AGAP1: variants seen among roughly 807,000 people sequenced by gnomAD.
AGAP1 encodes ArfGAP with GTPase domain, ankyrin repeat and PH domain 1.
A neutral mutation model predicts 105.3 loss-of-function variants in AGAP1; 29 were observed. The observed-to-expected ratio is 0.28, with a 90% CI of 0.21 to 0.38. The LOEUF (loss-of-function observed/expected upper bound fraction) is 0.38. Ranked by LOEUF, AGAP1 falls within the 10% of genes least tolerant of loss-of-function variation. The pLI, the probability that AGAP1 is intolerant of heterozygous loss-of-function variation, is 1.00. For synonymous variants in AGAP1, 509 were observed against 485.9 expected (o/e 1.05, Z -0.63); for missense variants, 998 against 1,165.1 (o/e 0.86, Z 2.09).
chr2:236,041,535 G>A (rs1158679889), intron 15 of AGAP1, among the ~76,000 whole-genome samples: 1 of 152,092 alleles, frequency 6.6e-6, no homozygotes, highest in Non-Finnish European at 1.5e-5. Flanking sequence ...CTTTGAAAAA[G>A]TCATTTTGTT....
At position 235,961,482 on chromosome 2, in the gene AGAP1, A is replaced by C. The variant is rs2054184172; in HGVS notation, c.1484-6980A>C. Among the ~76,000 whole-genome samples the C allele has an allele frequency of 1.3e-5, 2 of 152,258 alleles. No homozygotes were observed. Among genetic ancestry groups the C allele is most frequent in the Non-Finnish European group, 2.9e-5 (2 of 68,024 alleles). On this transcript the variant is annotated intron_variant, in intron 12 of 17. Coordinates refer to ENST00000304032, the MANE Select transcript of AGAP1 (RefSeq NM_001037131.3). This position sits in a 1 kb window ranked among gnomAD's most constrained non-coding sequence, Gnocchi z 5.9. ...ACACACCAGTGGTTGGTGGGATGTG[A>C]GCGGGACTGGAGTGAGGCCAGCCGT...
At chr2:235,803,831 C>T (rs1471603757) in intron 8 of AGAP1, among the ~76,000 whole-genome samples, 1 of 152,072 alleles carries the variant, frequency 6.6e-6, no homozygotes, top group Non-Finnish European at 1.5e-5. Flanking sequence ...CTTTACTAAT[C>T]AAACACTGAG....
intron 1 of AGAP1, among the ~76,000 whole-genome samples, chr2:235,592,574 C>G (rs1486834828): frequency 6.6e-6 from 1 of 152,112 alleles, no homozygotes; most frequent in East Asian, 1.9e-4. Flanking sequence ...CCAATCAGGC[C>G]TTCCTTTCTT....
intron 1 of AGAP1, among the ~76,000 whole-genome samples, chr2:235,616,940 C>A (rs537426170): frequency 1.3e-5 from 2 of 151,134 alleles, no homozygotes; most frequent in African/African-American, 4.9e-5. Context: ...AATGAACAAA[C>A]GTGCATCTTT....
At chr2:235,713,492 C>T (rs1031156506) in intron 2 of AGAP1, among the ~76,000 whole-genome samples, 10 of 152,202 alleles carry the variant, frequency 6.6e-5, no homozygotes, top group Admixed American at 5.2e-4. Flanking sequence ...TGCTCTTGAG[C>T]GTCTGCCTTG....
rs1479197940 is a variant in AGAP1 at position 235,577,574 on chromosome 2, C to G, written c.163+82725C>G. ...TGGAGTCGGTGGGAGCTGAGAGTCC[C>G]TTGCTGCCCGGAGCATGGCTGTGTG... On this transcript the variant is annotated intron_variant, in intron 1 of 17. Transcript: ENST00000304032. The surrounding 1 kb of genome is among the most constrained non-coding windows in gnomAD (Gnocchi z 4.5). Among the ~76,000 whole-genome samples, 2 of 152,046 alleles carry G rather than the reference C, an allele frequency of 1.3e-5. No homozygotes were observed. The highest frequency in any genetic ancestry group is 2.9e-5 in the Non-Finnish European group (2 of 68,020).
chr2:235,734,177 T>G lies in AGAP1; in HGVS notation c.311-6786T>G, dbSNP rs992021347. Among the ~76,000 whole-genome samples the G allele has an allele frequency of 6.6e-6, 1 of 152,256 alleles. No individual in the cohort carries two copies. Among genetic ancestry groups the G allele is most frequent in the Non-Finnish European group, 1.5e-5 (1 of 68,048 alleles). Reference sequence around the variant, plus strand: ...AAAATAATTAGGGAATAATACAGTTTGCAGATTTTCTCCCGATGTCATCAT... The same window carrying G: ...AAAATAATTAGGGAATAATACAGTTGGCAGATTTTCTCCCGATGTCATCAT... On this transcript the variant is annotated intron_variant, in intron 3 of 17. Transcript: ENST00000304032. This position sits in a 1 kb window ranked among gnomAD's most constrained non-coding sequence, Gnocchi z 5.3.
intron 1 of AGAP1, among the ~76,000 whole-genome samples, chr2:235,682,419 T>C (rs1273982996): frequency 6.6e-6 from 1 of 152,064 alleles, no homozygotes; most frequent in Non-Finnish European, 1.5e-5. Flanking sequence ...CTCGGCTCAC[T>C]GCAGCCTCTG....
rs564440080 is a variant in AGAP1, at chr2:235,689,387, C to T, written c.164-19792C>T. Among the ~76,000 whole-genome samples, 1 of 152,336 alleles carries T rather than the reference C, an allele frequency of 6.6e-6. No homozygotes were observed. Among genetic ancestry groups the T allele is most frequent in the East Asian group, 1.9e-4 (1 of 5,178 alleles). Reference sequence around the variant, plus strand: ...GCCCGTAGGGTCTCCAGCACAATACCGGGTTAGTGAGCAGAAAGTAGTGCA... The same window carrying T: ...GCCCGTAGGGTCTCCAGCACAATACTGGGTTAGTGAGCAGAAAGTAGTGCA... On this transcript the variant is annotated intron_variant, in intron 1 of 17. Coordinates refer to ENST00000304032, the MANE Select transcript of AGAP1 (RefSeq NM_001037131.3). The surrounding 1 kb of genome is among the most constrained non-coding windows in gnomAD (Gnocchi z 4.2).
At position 236,027,871 on chromosome 2, in the gene AGAP1, A is replaced by G. The variant is rs527478405; in HGVS notation, c.1646-8690A>G. 1.9e-4 allele frequency among the ~76,000 whole-genome samples: 29 copies of G among 152,302 alleles called. No individual in the cohort carries two copies. Among genetic ancestry groups the G allele is most frequent in the African/African-American group, 6.0e-4 (25 of 41,562 alleles). On this transcript the variant is annotated intron_variant, in intron 13 of 17. Transcript: ENST00000304032. The surrounding 1 kb of genome is among the most constrained non-coding windows in gnomAD (Gnocchi z 4.4). ...CCTTTGTGCATGCTACATACACGTCAGAGACAGACCATACCCAAGGATCAC... is the reference window on the plus strand; with the variant it reads ...CCTTTGTGCATGCTACATACACGTCGGAGACAGACCATACCCAAGGATCAC...
chr2:235,870,389 G>T (rs1000887441), intron 9 of AGAP1, among the ~76,000 whole-genome samples: 2 of 152,228 alleles, frequency 1.3e-5, no homozygotes, highest in South Asian at 4.1e-4. Context: ...CACTTTGGGA[G>T]GCTGAGGCAG....
intron 16 of AGAP1, among the ~76,000 whole-genome samples, chr2:236,070,308 A>G (rs2058464005): frequency 6.6e-6 from 1 of 152,206 alleles, no homozygotes; most frequent in African/African-American, 2.4e-5. Flanking sequence ...ATGAATGAGA[A>G]AGAGCAGCAT....
chr2:235,859,540 A>ATTT (rs2048837451), intron 9 of AGAP1, among the ~76,000 whole-genome samples: 1 of 59,958 alleles, frequency 1.7e-5, no homozygotes, highest in African/African-American at 6.7e-5. Context: ...TTTTCTGAGC[A>ATTT]GTTTTTTTTT....
chr2:236,060,248 A>G (rs539667170), intron 16 of AGAP1, among the ~76,000 whole-genome samples: 17 of 152,390 alleles, frequency 1.1e-4, no homozygotes, highest in Non-Finnish European at 1.9e-4. Context: ...TGCAAGCAAT[A>G]AAAGAAAAAA....
chr2:235,770,450 C>CAA (rs1357569602), intron 6 of AGAP1, among the ~76,000 whole-genome samples: 5 of 152,044 alleles, frequency 3.3e-5, no homozygotes, highest in Non-Finnish European at 7.4e-5. Flanking sequence ...CTTTTTGAGA[C>CAA]AGAGTCTCAC....
Position 235,976,467 on chromosome 2 carries a change from G to A in AGAP1, c.1645+7844G>A, listed in dbSNP as rs899779967. 6.6e-6 allele frequency among the ~76,000 whole-genome samples: 1 copy of A among 152,218 alleles called. No individual in the cohort carries two copies. Among genetic ancestry groups the A allele is most frequent in the Non-Finnish European group, 1.5e-5 (1 of 68,048 alleles). The stretch of plus-strand genomic sequence containing the variant: ...AGATGAGTCGATCACAGCAGGGGCA[G>A]CCAGAACGGAAGATTCCCATCGTGA... On this transcript the variant is annotated intron_variant, in intron 13 of 17. Transcript: ENST00000304032. The surrounding 1 kb of genome is among the most constrained non-coding windows in gnomAD (Gnocchi z 4.5).
Position 235,549,084 on chromosome 2 carries a change from C to T in AGAP1, c.163+54235C>T, listed in dbSNP as rs917390326. 1.3e-5 allele frequency among the ~76,000 whole-genome samples: 2 copies of T among 152,240 alleles called. No homozygotes were observed. Among genetic ancestry groups the T allele is most frequent in the African/African-American group, 4.8e-5 (2 of 41,474 alleles). On this transcript the variant is annotated intron_variant, in intron 1 of 17. Transcript: ENST00000304032. This position sits in a 1 kb window ranked among gnomAD's most constrained non-coding sequence, Gnocchi z 4.2. Reference sequence around the variant, plus strand: ...GGGACCTGCTCTCCTTGTAGAGACACAACCCCAGGGTACTTGGAGCTCATG... The same window carrying T: ...GGGACCTGCTCTCCTTGTAGAGACATAACCCCAGGGTACTTGGAGCTCATG...
At chr2:235,626,219 A>T (rs570101759) in intron 1 of AGAP1, among the ~76,000 whole-genome samples, 59 of 151,212 alleles carry the variant, frequency 3.9e-4, no homozygotes, top group African/African-American at 1.3e-3. Context: ...TTAGCCGGTT[A>T]TGGTGGTGCA....
intron 12 of AGAP1, among the ~76,000 whole-genome samples, chr2:235,933,293 GGGAA>G (rs1238261353): frequency 6.6e-6 from 1 of 152,138 alleles, no homozygotes; most frequent in Non-Finnish European, 1.5e-5. Context: ...AGGAGGAAAA[GGGAA>G]GATGGAATAG....
Sources: gnomAD v4.1 joint callset for allele counts (sites outside exome capture counted in the v4.1 genomes callset) on GRCh38, gnomAD v4.1.1 for gene constraint, Gnocchi (gnomAD v3.1) non-coding constraint, MANE v1.5 for transcripts, NCBI Gene and HGNC (gene_info 2026-07-23, HGNC 2026-07-21) for gene names.